Variants in CRYBA4 observed in about 807,000 individuals in gnomAD.
CRYBA4 encodes the protein beta-crystallin A4.
CRYBA4 carries 30 observed loss-of-function variants against 31.7 expected under a neutral mutation model. The ratio of observed to expected loss-of-function variants is 0.95; its 90% CI spans 0.71 to 1.28. The LOEUF (loss-of-function observed/expected upper bound fraction) is 1.28. Ranked by LOEUF, CRYBA4 falls within the 50% of genes most tolerant of loss-of-function variation. The probability of loss-of-function intolerance (pLI) is 0.00; values close to 1 mark genes in which losing one functional copy is unlikely to be tolerated. For missense variants in CRYBA4, 225 were observed against 260.7 expected (o/e 0.86, Z 0.94); for synonymous variants, 102 against 102.3 (o/e 1.00, Z 0.02).
intron 5 of CRYBA4, among the ~76,000 whole-genome samples, chr22:26,628,992 AGAGT>A (rs1245344830): frequency 6.6e-6 from 1 of 152,204 alleles, no homozygotes; most frequent in Non-Finnish European, 1.5e-5. Flanking sequence ...ACCTTGGCTG[AGAGT>A]GAGAGGCCAC....
At position 26,630,448 on chromosome 22, in the gene CRYBA4, G is replaced by C. The variant is rs563771386; in HGVS notation, c.552G>C (p.Pro184=). Residue 184 remains proline (P), a synonymous_variant, in exon 6 of 6, where the codon CCG becomes CCC. Transcript: ENST00000354760. ...KHFREWGSHA[P]TFQVQSIRRI... ...TCCGGGAGTGGGGCTCTCATGCCCCGACCTTCCAGGTGCAGAGCATCCGCA... is the reference window on the plus strand; with the variant it reads ...TCCGGGAGTGGGGCTCTCATGCCCCCACCTTCCAGGTGCAGAGCATCCGCA... The C allele has an allele frequency of 2.5e-6, 4 of 1,613,624 alleles. No homozygotes were observed. Among genetic ancestry groups the C allele is most frequent in the African/African-American group, 1.3e-5 (1 of 74,948 alleles).
At chr22:26,611,620 G>A in the CRYBA4 span, among the ~76,000 whole-genome samples, 2 of 151,856 alleles carry the variant, frequency 1.3e-5, no homozygotes, top group South Asian at 4.2e-4. Flanking sequence ...GACTACAGGC[G>A]CCCGCCACCA....
At chr22:26,599,759 A>T in the CRYBA4 span, 1 of 1,031,668 alleles carries the variant, frequency 9.7e-7, no homozygotes. Flanking sequence ...CCTGTCCTTC[A>T]TTGATCCCTG....
chr22:26,598,966 G>A, the CRYBA4 span, among the ~76,000 whole-genome samples: 1 of 152,056 alleles, frequency 6.6e-6, no homozygotes, highest in Admixed American at 6.6e-5. Context: ...TGTGACCTTG[G>A]GAAAATCACT....
At chr22:26,607,760 T>A in the CRYBA4 span, 1 of 1,280,520 alleles carries the variant, frequency 7.8e-7, no homozygotes, top group Non-Finnish European at 1.1e-6. Flanking sequence ...CCACGGTCCT[T>A]TGACAACTCG....
At chr22:26,626,495 G>C (rs1327230813) in intron 4 of CRYBA4, among the ~76,000 whole-genome samples, 1 of 152,210 alleles carries the variant, frequency 6.6e-6, no homozygotes, top group African/African-American at 2.4e-5. Flanking sequence ...GATTTAAAAT[G>C]ACATAAGTCA....
the CRYBA4 span, among the ~76,000 whole-genome samples, chr22:26,615,921 G>T: frequency 6.6e-6 from 1 of 152,190 alleles, no homozygotes; most frequent in South Asian, 2.1e-4. Context: ...CCAAGGTGAG[G>T]GAAAAAGAGA....
At chr22:26,604,184 C>A in the CRYBA4 span, among the ~76,000 whole-genome samples, 1 of 152,194 alleles carries the variant, frequency 6.6e-6, no homozygotes, top group African/African-American at 2.4e-5. Flanking sequence ...AACCCACAGA[C>A]CTTGGTTCAA....
chr22:26,616,328 C>T, the CRYBA4 span: 1 of 1,612,022 alleles, frequency 6.2e-7, no homozygotes, highest in Non-Finnish European at 8.5e-7. Context: ...ATGGTTCCCG[C>T]CTGCAAAAGT....
the CRYBA4 span, among the ~76,000 whole-genome samples, chr22:26,615,810 G>A: frequency 1.3e-5 from 2 of 152,086 alleles, no homozygotes; most frequent in Non-Finnish European, 1.5e-5. Context: ...CACTGCGCCC[G>A]GCCCCACTTT....
the CRYBA4 span, among the ~76,000 whole-genome samples, chr22:26,597,535 A>G: frequency 4.6e-5 from 7 of 152,070 alleles, no homozygotes; most frequent in Non-Finnish European, 1.0e-4. Flanking sequence ...CATCTCCCCT[A>G]TTCTCCATCA....
At chr22:26,607,964 G>A in the CRYBA4 span, 24 of 1,614,048 alleles carry the variant, frequency 1.5e-5, no homozygotes, top group African/African-American at 5.3e-5. Context: ...GAGGGTACTC[G>A]CCCTTCTCCA....
chr22:26,596,434 C>A, the CRYBA4 span, among the ~76,000 whole-genome samples: 1 of 152,036 alleles, frequency 6.6e-6, no homozygotes, highest in Non-Finnish European at 1.5e-5. Context: ...TGATGAATTT[C>A]TAGTATGTTT....
intron 3 of CRYBA4, among the ~76,000 whole-genome samples, chr22:26,623,562 C>T (rs995705285): frequency 1.3e-5 from 2 of 152,022 alleles, no homozygotes; most frequent in African/African-American, 2.4e-5. Flanking sequence ...TTACACAGAC[C>T]CTGCCCACTG....
the CRYBA4 span, among the ~76,000 whole-genome samples, chr22:26,590,685 G>A: frequency 6.6e-6 from 1 of 152,098 alleles, no homozygotes; most frequent in African/African-American, 2.4e-5. Context: ...AGGCGATACT[G>A]GCATCTAGTG....
chr22:26,603,642 C>A, the CRYBA4 span, among the ~76,000 whole-genome samples: 1 of 151,978 alleles, frequency 6.6e-6, no homozygotes, highest in South Asian at 2.1e-4. Context: ...CGGTGGCTCA[C>A]GCCTGTAATC....
chr22:26,601,395 A>G, the CRYBA4 span, among the ~76,000 whole-genome samples: 1 of 152,094 alleles, frequency 6.6e-6, no homozygotes, highest in Non-Finnish European at 1.5e-5. Flanking sequence ...AGCTGGCAAG[A>G]CTGAGAGGCA....
Position 26,630,292 on chromosome 22 carries a change from C to A in CRYBA4, c.444-48C>A, listed in dbSNP as rs1407712216. 10 of 1,612,470 alleles carry A rather than the reference C, an allele frequency of 6.2e-6. No individual in the cohort carries two copies. In the South Asian group the frequency reaches 1.1e-4, roughly 18 times the overall value. Reference sequence around the variant, plus strand: ...ATCCCTTTGCCCCTGTGTTGATCACCATGCTGGTGTCTCTGTAGAGTAACT... The same window carrying A: ...ATCCCTTTGCCCCTGTGTTGATCACAATGCTGGTGTCTCTGTAGAGTAACT... On this transcript the variant is annotated intron_variant, in intron 5 of 5. Coordinates refer to ENST00000354760, the MANE Select transcript of CRYBA4 (RefSeq NM_001886.3).
chr22:26,606,510 C>T, the CRYBA4 span, among the ~76,000 whole-genome samples: 8 of 152,300 alleles, frequency 5.3e-5, no homozygotes, highest in Admixed American at 3.9e-4. Flanking sequence ...CTAGAAGCTA[C>T]TGGAAATGCC....
Sources: allele counts gnomAD v4.1 joint callset (sites outside exome capture counted in the v4.1 genomes callset), GRCh38; gene constraint gnomAD v4.1.1; transcripts MANE v1.5; gene names NCBI Gene and HGNC (gene_info 2026-07-23, HGNC 2026-07-21).